EPHB1: variants seen among roughly 807,000 people sequenced by gnomAD.
EPHB1 encodes the protein ephrin type-B receptor 1.
Under a neutral mutation model 94.4 loss-of-function variants are expected in EPHB1, and 30 were observed. That is an observed-to-expected ratio of 0.32 (90% CI 0.24 to 0.43). EPHB1 has a LOEUF of 0.43. EPHB1 is among the 20% of genes least tolerant of loss of function. EPHB1 has a pLI of 1.00. For missense variants in EPHB1, 1,055 were observed against 1,308.3 expected (o/e 0.81, Z 2.99); for synonymous variants, 522 against 489.1 (o/e 1.07, Z -0.89).
intron 1 of EPHB1, among the ~76,000 whole-genome samples, chr3:134,797,173 T>G (rs4955497): frequency 1 from 152,248 of 152,288 alleles, 76,105 homozygotes; most frequent in Middle Eastern, 1. Context: ...GTCTCCTGCT[T>G]CCCTCAGGGA....
chr3:134,914,220 A>G (rs1424760633), intron 1 of EPHB1, among the ~76,000 whole-genome samples: 1 of 152,146 alleles, frequency 6.6e-6, no homozygotes, highest in Non-Finnish European at 1.5e-5. Context: ...TAGGTAAGAG[A>G]CTTGGGTTTG....
intron 2 of EPHB1, among the ~76,000 whole-genome samples, chr3:134,948,217 A>G (rs2039250900): frequency 6.6e-6 from 1 of 152,002 alleles, no homozygotes; most frequent in African/African-American, 2.4e-5. Flanking sequence ...CCCCACTCTA[A>G]ATGGGGTCAC....
intron 11 of EPHB1, among the ~76,000 whole-genome samples, chr3:135,193,056 A>C (rs755482458): frequency 6.6e-6 from 1 of 152,226 alleles, no homozygotes; most frequent in South Asian, 2.1e-4. Flanking sequence ...TATTGGATGA[A>C]TAAAATGAAT....
intron 7 of EPHB1, among the ~76,000 whole-genome samples, chr3:135,165,227 G>A (rs1941618012): frequency 6.6e-6 from 1 of 152,202 alleles, no homozygotes; most frequent in African/African-American, 2.4e-5. Flanking sequence ...AGGGTGAAAT[G>A]TGCTTCATAT....
At chr3:134,866,358 A>C (rs1464367917) in intron 1 of EPHB1, among the ~76,000 whole-genome samples, 1 of 152,224 alleles carries the variant, frequency 6.6e-6, no homozygotes, top group Non-Finnish European at 1.5e-5. Context: ...TCTCGGCTGG[A>C]ACTGGTGTGG....
intron 12 of EPHB1, among the ~76,000 whole-genome samples, chr3:135,229,768 C>A (rs980800573): frequency 6.6e-6 from 1 of 152,168 alleles, no homozygotes; most frequent in Non-Finnish European, 1.5e-5. Flanking sequence ...AGTAGCCACT[C>A]GATGTCAGAA....
At chr3:135,021,361 T>C (rs1438585586) in intron 3 of EPHB1, among the ~76,000 whole-genome samples, 1 of 152,096 alleles carries the variant, frequency 6.6e-6, no homozygotes, top group Non-Finnish European at 1.5e-5. Flanking sequence ...ATTTTATATA[T>C]TTTATTATGT....
chr3:135,215,214 A>G (rs545707763), intron 12 of EPHB1, among the ~76,000 whole-genome samples: 1 of 150,466 alleles, frequency 6.6e-6, no homozygotes, highest in African/African-American at 2.4e-5. Flanking sequence ...CCCAGGCTGG[A>G]GTGCAATGGT....
intron 6 of EPHB1, among the ~76,000 whole-genome samples, chr3:135,155,787 CAAAAAA>C (rs35095229): frequency 2.0e-4 from 12 of 59,460 alleles, no homozygotes; most frequent in East Asian, 5.9e-4. Context: ...AAGACTTTGT[CAAAAAA>C]AAAAAAAAAA....
chr3:134,977,601 C>T (rs1276462994), intron 3 of EPHB1, among the ~76,000 whole-genome samples: 1 of 152,136 alleles, frequency 6.6e-6, no homozygotes, highest in African/African-American at 2.4e-5. Flanking sequence ...CTCACCTGGG[C>T]CCCCTGACTT....
intron 12 of EPHB1, among the ~76,000 whole-genome samples, chr3:135,206,678 C>T (rs904407027): frequency 1.3e-5 from 2 of 152,128 alleles, no homozygotes; most frequent in Admixed American, 6.5e-5. Flanking sequence ...GGTGACACCC[C>T]GCCTCTACTA....
intron 3 of EPHB1, among the ~76,000 whole-genome samples, chr3:135,001,692 G>A (rs909411697): frequency 3.3e-5 from 5 of 151,992 alleles, no homozygotes; most frequent in African/African-American, 1.2e-4. Flanking sequence ...TCTTCCCTTT[G>A]CTGCTGCTGC....
chr3:135,240,505 C>A (rs1208973875), intron 12 of EPHB1, among the ~76,000 whole-genome samples: 1 of 152,162 alleles, frequency 6.6e-6, no homozygotes. Context: ...GGAATCTTGA[C>A]CTCCACTGAA....
intron 3 of EPHB1, among the ~76,000 whole-genome samples, chr3:134,993,476 G>A (rs752305796): frequency 1.3e-4 from 20 of 152,148 alleles, no homozygotes; most frequent in Non-Finnish European, 2.8e-4. Flanking sequence ...AATTGATCGG[G>A]GACTGGAGAG....
intron 12 of EPHB1, among the ~76,000 whole-genome samples, chr3:135,232,662 A>G (rs1310894516): frequency 2.0e-5 from 3 of 152,158 alleles, no homozygotes; most frequent in Admixed American, 6.5e-5. Flanking sequence ...GGCTTAGTAC[A>G]ATGTTGAAAA....
chr3:135,061,748 T>TC (rs1409431346), intron 3 of EPHB1, among the ~76,000 whole-genome samples: 6 of 151,946 alleles, frequency 3.9e-5, no homozygotes, highest in African/African-American at 1.5e-4. Flanking sequence ...CCCTCCCCAC[T>TC]CCCCCCACAC....
rs573353486 is a variant in EPHB1, at chr3:134,812,355, A to C, written c.58+16666A>C. Among the ~76,000 whole-genome samples the C allele has an allele frequency of 3.1e-4, 47 of 152,342 alleles. 1 individual carries two copies. The highest frequency in any genetic ancestry group is 2.1e-3 in the Admixed American group (32 of 15,300). ...TTTGCTTTTCTAAAAGCTCATAGAA[A>C]TGGAATCATAGAGTATGTGCTCTTT... On this transcript the variant is annotated intron_variant, in intron 1 of 15. Transcript: ENST00000398015.
chr3:135,137,144 A>G (rs750057863), intron 5 of EPHB1, among the ~76,000 whole-genome samples: 2 of 152,242 alleles, frequency 1.3e-5, no homozygotes, highest in Non-Finnish European at 2.9e-5. Flanking sequence ...TCAGACCAGC[A>G]CATGAGCTTG....
rs1401843217 is a variant in EPHB1, at chr3:134,952,008, C to A, written c.761C>A (p.Thr254Asn). ...TGGATGGTGCCTATTGGGCGATGCA[C>A]CTGCAAGCCTGGCTATGAGCCTGAG... ...GEWMVPIGRC[T>N]CKPGYEPENS... is the part of the protein sequence containing the mutation. The change falls in exon 3 of 16, where the codon ACC becomes AAC. Residue 254 changes from threonine (T) to asparagine (N), a missense_variant. By Grantham distance (65) the Thr-to-Asn change is moderately conservative. Coordinates refer to ENST00000398015, the MANE Select transcript of EPHB1 (RefSeq NM_004441.5). 2 of 1,613,112 alleles carry A rather than the reference C, an allele frequency of 1.2e-6. No individual in the cohort carries two copies. The highest frequency in any genetic ancestry group is 2.2e-5 in the South Asian group (2 of 90,952).
Sources: gnomAD v4.1 joint callset for allele counts (sites outside exome capture counted in the v4.1 genomes callset) on GRCh38, gnomAD v4.1.1 for gene constraint, MANE v1.5 for transcripts, NCBI Gene and HGNC (gene_info 2026-07-23, HGNC 2026-07-21) for gene names.